Variants in FMN2 observed in about 807,000 individuals in gnomAD.
FMN2 encodes the protein formin-2.
A neutral mutation model predicts 142.3 loss-of-function variants in FMN2; 51 were observed. The ratio of observed to expected loss-of-function variants is 0.36; its 90% CI spans 0.29 to 0.45. The LOEUF is 0.45. Among genes scored for constraint, FMN2 ranks in the 20% least tolerant of loss-of-function variants. FMN2 has a pLI of 1.00. For synonymous variants in FMN2, 882 were observed against 869.8 expected, an observed-to-expected ratio of 1.01 and a Z score of -0.25; for missense variants, 1,936 against 2,122.8, an observed-to-expected ratio of 0.91 and a Z score of 1.73.
intron 6 of FMN2, among the ~76,000 whole-genome samples, chr1:240,252,953 C>CTGTTTTTTT (rs1668326588): frequency 1.5e-5 from 1 of 65,346 alleles, no homozygotes. Flanking sequence ...GTCTTGTTCA[C>CTGTTTTTTT]TTTTTTTTTT....
chr1:240,106,705 A>G (rs1225573607), intron 1 of FMN2, among the ~76,000 whole-genome samples: 1 of 147,904 alleles, frequency 6.8e-6, no homozygotes, highest in Non-Finnish European at 1.5e-5. Context: ...TTTTTTTGAG[A>G]CAGAGTTTTT....
chr1:240,184,807 T>C (rs1665331300), intron 3 of FMN2, among the ~76,000 whole-genome samples: 1 of 151,890 alleles, frequency 6.6e-6, no homozygotes, highest in African/African-American at 2.4e-5. Flanking sequence ...TCTATGAAAG[T>C]TGGAACTAGG....
intron 2 of FMN2, among the ~76,000 whole-genome samples, chr1:240,158,733 C>T (rs1156966387): frequency 6.6e-6 from 1 of 152,150 alleles, no homozygotes. Context: ...TAATTTTCTT[C>T]TGAACCCCTA....
intron 2 of FMN2, among the ~76,000 whole-genome samples, chr1:240,165,021 GT>G (rs1333004863): frequency 6.6e-6 from 1 of 151,970 alleles, no homozygotes; most frequent in African/African-American, 2.4e-5. Flanking sequence ...ATTCTGGATT[GT>G]TTCTTTTTAT....
At chr1:240,359,656 A>G (rs939933490) in intron 14 of FMN2, among the ~76,000 whole-genome samples, 1 of 152,198 alleles carries the variant, frequency 6.6e-6, no homozygotes, top group Non-Finnish European at 1.5e-5. Flanking sequence ...CACTGGGAAC[A>G]TCTCTCACCT....
At chr1:240,450,358 T>C (rs1175557710) in intron 16 of FMN2, among the ~76,000 whole-genome samples, 2 of 152,228 alleles carry the variant, frequency 1.3e-5, no homozygotes, top group African/African-American at 4.8e-5. Context: ...AGCATTTTCA[T>C]TTCATTTCAT....
chr1:240,302,038 G>A (rs908463255), intron 8 of FMN2, among the ~76,000 whole-genome samples: 1 of 151,916 alleles, frequency 6.6e-6, no homozygotes, highest in African/African-American at 2.4e-5. Context: ...AAGTCCCTGA[G>A]ATTCTGTTCA....
At chr1:240,434,224 C>G (rs912629811) in intron 15 of FMN2, among the ~76,000 whole-genome samples, 3 of 152,142 alleles carry the variant, frequency 2.0e-5, no homozygotes, top group Non-Finnish European at 4.4e-5. Context: ...TCGAGGGAGT[C>G]TCACAGAAAA....
chr1:240,318,333 G>T (rs1670858258), intron 8 of FMN2, among the ~76,000 whole-genome samples: 1 of 152,322 alleles, frequency 6.6e-6, no homozygotes, highest in African/African-American at 2.4e-5. Flanking sequence ...GGTATTAAGA[G>T]AAAGGTTTTC....
At chr1:240,184,724 A>G (rs1219389466) in intron 3 of FMN2, among the ~76,000 whole-genome samples, 2 of 151,744 alleles carry the variant, frequency 1.3e-5, no homozygotes, top group East Asian at 3.9e-4. Flanking sequence ...AGTGCCCTGG[A>G]TCCTGGGAGG....
intron 13 of FMN2, among the ~76,000 whole-genome samples, chr1:240,350,235 G>T (rs1221338983): frequency 6.6e-6 from 1 of 152,114 alleles, no homozygotes; most frequent in Non-Finnish European, 1.5e-5. Context: ...AATAAGTAAA[G>T]CAACAATTAC....
At chr1:240,145,199 A>G (rs924547718) in intron 2 of FMN2, 22 of 1,431,262 alleles carry the variant, frequency 1.5e-5, no homozygotes, top group Non-Finnish European at 2.1e-5. Context: ...TCATTCCACA[A>G]GCATCTCCAG....
intron 16 of FMN2, among the ~76,000 whole-genome samples, chr1:240,454,983 G>T (rs9442201): frequency 0.75 from 113,167 of 151,896 alleles, 42,323 homozygotes; most frequent in Middle Eastern, 0.82. Context: ...CAAAGTGATG[G>T]TATTATGAGG....
Position 240,386,940 on chromosome 1 carries a change from T to C in FMN2, c.4859-5571T>C, listed in dbSNP as rs552246878. 2.0e-4 allele frequency among the ~76,000 whole-genome samples: 30 copies of C among 152,322 alleles called. 1 individual carries two copies. The South Asian group carries it at 5.6e-3, about 28-fold the overall frequency. ...AAAACATTTGGTGTTTCTTTTATTG[T>C]ATGGTTCCAAGTACAGGCTTTCTTT... On this transcript the variant is annotated intron_variant, in intron 14 of 17. Transcript: ENST00000319653.
chr1:240,371,573 C>A (rs1672868091), intron 14 of FMN2, among the ~76,000 whole-genome samples: 1 of 152,114 alleles, frequency 6.6e-6, no homozygotes, highest in Non-Finnish European at 1.5e-5. Flanking sequence ...TATAATAAAA[C>A]CCAAGGGTCC....
intron 8 of FMN2, among the ~76,000 whole-genome samples, chr1:240,307,967 G>A (rs1670470640): frequency 6.6e-6 from 1 of 151,200 alleles, no homozygotes; most frequent in African/African-American, 2.5e-5. Flanking sequence ...GTATTCCTAG[G>A]TATTTAATTA....
At chr1:240,323,660 C>T (rs1429432690) in intron 8 of FMN2, among the ~76,000 whole-genome samples, 2 of 152,216 alleles carry the variant, frequency 1.3e-5, no homozygotes, top group African/African-American at 4.8e-5. Context: ...CCTTGTTCTT[C>T]CCTTCCGTTG....
intron 6 of FMN2, among the ~76,000 whole-genome samples, chr1:240,229,372 C>T (rs1352542051): frequency 1.3e-5 from 2 of 152,148 alleles, no homozygotes; most frequent in Non-Finnish European, 2.9e-5. Context: ...CTCCCTCTCT[C>T]TTTCTTTCAC....
intron 14 of FMN2, among the ~76,000 whole-genome samples, chr1:240,356,380 T>C (rs925383432): frequency 6.6e-6 from 1 of 152,160 alleles, no homozygotes; most frequent in African/African-American, 2.4e-5. Flanking sequence ...GCAGTTTTTT[T>C]AATGGGATAC....
Sources: gnomAD v4.1 joint callset for allele counts (sites outside exome capture counted in the v4.1 genomes callset) on GRCh38, gnomAD v4.1.1 for gene constraint, MANE v1.5 for transcripts, NCBI Gene and HGNC (gene_info 2026-07-23, HGNC 2026-07-21) for gene names.